SEC16A: variants seen among roughly 807,000 people sequenced by gnomAD.
SEC16A encodes SEC16 homolog A, endoplasmic reticulum export factor, also known as protein transport protein Sec16A.
Under a neutral mutation model 221.9 loss-of-function variants are expected in SEC16A, and 110 were observed. The ratio of observed to expected loss-of-function variants is 0.50; its 90% CI spans 0.42 to 0.58. The LOEUF (loss-of-function observed/expected upper bound fraction) is 0.58, where lower values mean the gene tolerates loss of function less well. Ranked by LOEUF, SEC16A falls within the 20% of genes least tolerant of loss-of-function variation. The pLI is 0.00. For synonymous variants in SEC16A, 1,393 were observed against 1,257.7 expected (o/e 1.11, Z -2.28); for missense variants, 3,165 against 3,097.8 (o/e 1.02, Z -0.52).
In SEC16A at chr9:136,462,704, C is replaced by A. The variant is rs537360841; in HGVS notation, c.4893+183G>T. On this transcript the variant is annotated intron_variant, in intron 12 of 31. Transcript: ENST00000684901. ...AGTTAGAAGGAAACCAACATTAACA[C>A]CTCCAGAAGGATGGCATACAAGAGT... Among the ~76,000 whole-genome samples, 8 of 152,360 alleles carry A rather than the reference C, an allele frequency of 5.3e-5. No homozygotes were observed. The South Asian group carries it at 1.7e-3, about 32-fold the overall frequency.
In SEC16A at chr9:136,475,839, T is replaced by C; in HGVS notation, c.1777A>G (p.Thr593Ala). Reference sequence around the variant, plus strand: ...CCTGTAGGTTTCGGGGGGCTCGGGGTTGAGGGCTGGGACACGCTGCCACGG... The same window carrying C: ...CCTGTAGGTTTCGGGGGGCTCGGGGCTGAGGGCTGGGACACGCTGCCACGG... Reference protein sequence around the residue: ...NYRGSVSQPSTPSPPKPTGIF... With the variant: ...NYRGSVSQPSAPSPPKPTGIF... Residue 593 changes from threonine to alanine, a missense_variant, in exon 3 of 32, where the codon ACC (threonine) becomes GCC (alanine). Physicochemically the swap from Thr to Ala is moderately conservative, Grantham distance 58. Coordinates refer to ENST00000684901, the MANE Select transcript of SEC16A (RefSeq NM_014866.2). This position sits in a 1 kb window ranked among gnomAD's most constrained non-coding sequence, Gnocchi z 5.0. The C allele has an allele frequency of 6.3e-7, 1 of 1,586,130 alleles. No homozygotes were observed.
rs3812591 is a variant in SEC16A at position 136,447,160 on chromosome 9, T to C, written c.6697+67A>G. ...TAACGGGAGATTTAGGAGAGACTCATAGAAAGAGGATCAAAGGTCAGGAGA... is the reference window on the plus strand; with the variant it reads ...TAACGGGAGATTTAGGAGAGACTCACAGAAAGAGGATCAAAGGTCAGGAGA... On this transcript the variant is annotated intron_variant, in intron 27 of 31. Transcript: ENST00000684901. The surrounding 1 kb of genome is among the most constrained non-coding windows in gnomAD (Gnocchi z 5.5). 379,169 of 1,546,386 alleles carry C rather than the reference T, an allele frequency of 0.25. 49,810 individuals carry two copies. The highest frequency in any genetic ancestry group is 0.27 in the Non-Finnish European group (313,772 of 1,142,204).
Position 136,478,695 on chromosome 9 carries a change from A to T in SEC16A, c.-70+14T>A, listed in dbSNP as rs1338510397. Among the ~76,000 whole-genome samples, 1 of 152,030 alleles carries T rather than the reference A, an allele frequency of 6.6e-6. No homozygotes were observed. The highest frequency in any genetic ancestry group is 1.5e-5 in the Non-Finnish European group (1 of 67,988). On this transcript the variant is annotated intron_variant, in intron 2 of 31. Transcript: ENST00000684901. Reference sequence around the variant, plus strand: ...TACAAAAGAAGAAAGTTAGCCAGACATGGTGGCACACACCTGTAGTCCCAG... The same window carrying T: ...TACAAAAGAAGAAAGTTAGCCAGACTTGGTGGCACACACCTGTAGTCCCAG...
Position 136,474,360 on chromosome 9 carries a change from T to C in SEC16A, c.3256A>G (p.Ser1086Gly). 1 of 1,612,732 alleles carries C rather than the reference T, an allele frequency of 6.2e-7. No individual in the cohort carries two copies. Among genetic ancestry groups the C allele is most frequent in the Non-Finnish European group, 8.5e-7 (1 of 1,179,858 alleles). The stretch of plus-strand genomic sequence containing the variant: ...TGGGCCTGTCCCTGTGCGGGCAGAC[T>C]TTCTGGATTTGACAGCTCCGAAAAC... ...AMFSELSNPE[S>G]LPAQGQAQNS... Residue 1086 changes from serine (S) to glycine (G), a missense_variant, in exon 3 of 32, where the codon AGT becomes GGT. Coordinates refer to ENST00000684901, the MANE Select transcript of SEC16A (RefSeq NM_014866.2).
At chr9:136,464,711 A>G in intron 8 of SEC16A, 149 bp from the exon 9 acceptor site, 1 of 693,602 alleles carries the variant, frequency 1.4e-6, no homozygotes, top group Non-Finnish European at 2.4e-6. Flanking sequence ...GTTTAATATC[A>G]TACTTAAAAG....
chr9:136,452,872 A>T (rs1306465931), intron 22 of SEC16A, among the ~76,000 whole-genome samples: 1 of 150,776 alleles, frequency 6.6e-6, no homozygotes, highest in Non-Finnish European at 1.5e-5. Flanking sequence ...GGAGTTTAAG[A>T]CCAGCCTGGC....
chr9:136,474,330 A>G lies in SEC16A; in HGVS notation c.3286T>C (p.Ser1096Pro), dbSNP rs1303394437. The G allele has an allele frequency of 7.4e-6, 12 of 1,612,026 alleles. No homozygotes were observed. Among genetic ancestry groups the G allele is most frequent in the Non-Finnish European group, 8.5e-6 (10 of 1,179,514 alleles). The change falls in exon 3 of 32, where the codon TCA becomes CCA. Residue 1096 changes from serine (S) to proline (P), a missense_variant. Coordinates refer to ENST00000684901, the MANE Select transcript of SEC16A (RefSeq NM_014866.2). ...SLPAQGQAQN[S>P]AQSPASLVLV... ...ACCAGACTTGCTGGTGACTGTGCTG[A>G]GTTCTGGGCCTGTCCCTGTGCGGGC...
rs761024052 is a variant in SEC16A, at chr9:136,457,506, C to A, written c.5488G>T (p.Ala1830Ser). 4 of 1,609,794 alleles carry A rather than the reference C, an allele frequency of 2.5e-6. No homozygotes were observed. The highest frequency in any genetic ancestry group is 2.2e-5 in the South Asian group (2 of 90,184). ...TQAFHYCEAI[A>S]KSILTQPHLY... ...TGCGGCTGCGTCAGGATGCTCTTCG[C>A]GATGGCCTCACAGTAGTGGAAGGCT... The change falls in exon 18 of 32, where the codon GCG becomes TCG. Residue 1830 changes from alanine to serine, a missense_variant. By Grantham distance (99) the Ala-to-Ser change is moderately conservative (BLOSUM62 1). This residue lies in a region of SEC16A where 1,088 missense variants were observed against 1,089.6 expected (regional missense o/e 1.00). Coordinates refer to ENST00000684901, the MANE Select transcript of SEC16A (RefSeq NM_014866.2).
At chr9:136,480,453 C>T (rs889323625) in intron 1 of SEC16A, among the ~76,000 whole-genome samples, 8 of 152,156 alleles carry the variant, frequency 5.3e-5, no homozygotes, top group African/African-American at 1.9e-4. Flanking sequence ...GTGAGTGGCT[C>T]GAGGCAGCCA....
Position 136,446,936 on chromosome 9 carries a change from T to C in SEC16A, c.6711A>G (p.Pro2237=). The C allele has an allele frequency of 6.2e-7, 1 of 1,613,698 alleles. No individual in the cohort carries two copies. Among genetic ancestry groups the C allele is most frequent in the South Asian group, 1.1e-5 (1 of 91,070 alleles). The stretch of plus-strand genomic sequence containing the variant: ...CCCTGCCAGTCCCGTCTGGAAGCTG[T>C]GGTTCTTCTGCATCTGGGGATGAGA... The part of the protein sequence containing the change: ...LFVPTPDAEE[P]QLPDGTGREG... Residue 2237 remains proline (P), a synonymous_variant, in exon 28 of 32, where the codon CCA becomes CCG. Coordinates refer to ENST00000684901, the MANE Select transcript of SEC16A (RefSeq NM_014866.2).
In SEC16A at chr9:136,443,906, A is replaced by C; in HGVS notation, c.6928-6T>G. Reference sequence around the variant, plus strand: ...GCAGGGAGGTCGCCAGGAGCCTGAGAAGCACAGAGAAGTCACCTCAGCAGG... The same window carrying C: ...GCAGGGAGGTCGCCAGGAGCCTGAGCAGCACAGAGAAGTCACCTCAGCAGG... On this transcript the variant is annotated splice_region_variant and splice_polypyrimidine_tract_variant and intron_variant, in intron 30 of 31. Transcript: ENST00000684901. 3 of 1,605,834 alleles carry C rather than the reference A, an allele frequency of 1.9e-6. No individual in the cohort carries two copies. The highest frequency in any genetic ancestry group is 1.7e-6 in the Non-Finnish European group (2 of 1,176,350).
chr9:136,469,655 G>A (rs1250962251), intron 4 of SEC16A, among the ~76,000 whole-genome samples: 1 of 152,180 alleles, frequency 6.6e-6, no homozygotes, highest in Non-Finnish European at 1.5e-5. Flanking sequence ...AAAAGGGTGA[G>A]ACCTAAAAAG....
chr9:136,455,833 G>A, intron 19 of SEC16A, 40 bp from the exon 20 acceptor site: 1 of 1,542,652 alleles, frequency 6.5e-7, no homozygotes, highest in Non-Finnish European at 8.8e-7. Context: ...AGCCGCCTGT[G>A]GCCGCTCTGC....
At chr9:136,483,640 C>T (rs922458195), upstream of SEC16A, 6 of 985,382 alleles carry the variant, frequency 6.1e-6, no homozygotes, top group African/African-American at 1.7e-5. Context: ...TGGGATTCTT[C>T]AATCAAGGCC....
In SEC16A at chr9:136,474,264, G is replaced by A. The variant is rs1352549523; in HGVS notation, c.3352C>T (p.Gln1118Ter). ...AGQQLPPRPP[Q>*]SSSVSLVSSG... ...GACACCAGAGACACGCTAGAGGACT[G>A]AGGAGGCCGAGGGGGCAGCTGCTGA... The change falls in exon 3 of 32, where the codon CAG (glutamine) becomes TAG (stop). Residue 1118 changes from glutamine (Q) to a stop codon, truncating the protein, a stop_gained. Coordinates refer to ENST00000684901, the MANE Select transcript of SEC16A (RefSeq NM_014866.2). LOFTEE classifies it high-confidence loss of function. The A allele has an allele frequency of 6.2e-7, 1 of 1,607,404 alleles. No individual in the cohort carries two copies. The highest frequency in any genetic ancestry group is 2.2e-5 in the East Asian group (1 of 44,694).
In SEC16A at chr9:136,476,949, G is replaced by C. The variant is rs771090543; in HGVS notation, c.667C>G (p.Gln223Glu). ...GQWGPVQGGP[Q>E]PSGQHRSPCP... ...GGTGAACGATGTTGCCCCGAGGGCT[G>C]TGGGCCTCCCTGCACTGGCCCCCAC... Residue 223 changes from glutamine (Q) to glutamate (E), a missense_variant, in exon 3 of 32, where the codon CAG (glutamine) becomes GAG (glutamate). This residue lies in a region of SEC16A where 2,030 missense variants were observed against 1,923.1 expected (regional missense o/e 1.06). Transcript: ENST00000684901. The C allele has an allele frequency of 5.6e-6, 9 of 1,612,704 alleles. No individual in the cohort carries two copies. In the East Asian group the frequency reaches 2.0e-4, roughly 36 times the overall value.
At chr9:136,483,798 G>C, upstream of SEC16A, 1 of 985,436 alleles carries the variant, frequency 1.0e-6, no homozygotes, top group Non-Finnish European at 1.2e-6. Context: ...GGCAGGCGGC[G>C]GCGGCCGCGC....
chr9:136,467,742 CT>C, intron 5 of SEC16A, among the ~76,000 whole-genome samples: 1 of 152,262 alleles, frequency 6.6e-6, no homozygotes, highest in South Asian at 2.1e-4. Context: ...GATGTCTTTT[CT>C]TTTTTAAATT....
chr9:136,459,689 G>A lies in SEC16A; in HGVS notation c.5191+68C>T, dbSNP rs1285781138. Reference sequence around the variant, plus strand: ...CCGGGTTCTGGTGATTTCTGCCAACGCCACAGACAACCGGGCCTTCGGCGC... The same window carrying A: ...CCGGGTTCTGGTGATTTCTGCCAACACCACAGACAACCGGGCCTTCGGCGC... On this transcript the variant is annotated intron_variant, in intron 15 of 31. Coordinates refer to ENST00000684901, the MANE Select transcript of SEC16A (RefSeq NM_014866.2). The surrounding 1 kb of genome is among the most constrained non-coding windows in gnomAD (Gnocchi z 6.1). The A allele has an allele frequency of 6.3e-6, 9 of 1,423,648 alleles. No homozygotes were observed. The highest frequency in any genetic ancestry group is 2.4e-5 in the South Asian group (2 of 82,014). 88.2% of individuals were successfully genotyped at this position (1,423,648 alleles called of 1,614,324 possible).
Sources: gnomAD v4.1 joint callset for allele counts (sites outside exome capture counted in the v4.1 genomes callset) on GRCh38, gnomAD v4.1.1 for gene constraint, gnomAD v4.1.1 regional missense constraint, Gnocchi (gnomAD v3.1) non-coding constraint, MANE v1.5 for transcripts, NCBI Gene and HGNC (gene_info 2026-07-23, HGNC 2026-07-21) for gene names.